TAF8: variants seen among roughly 807,000 people sequenced by gnomAD.
TAF8 encodes transcription initiation factor TFIID subunit 8.
In TAF8, 47 loss-of-function variants were observed where a neutral mutation model predicts 36.5. The ratio of observed to expected loss-of-function variants is 1.29; its 90% CI spans 1.02 to 1.64. The LOEUF (loss-of-function observed/expected upper bound fraction) is 1.64, where lower values mean the gene tolerates loss of function less well. Ranked by LOEUF, TAF8 falls within the 40% of genes most tolerant of loss-of-function variation. TAF8 has a pLI of 0.00. For synonymous variants in TAF8, 175 were observed against 159.5 expected (o/e 1.10, Z -0.73); for missense variants, 420 against 407.6 (o/e 1.03, Z -0.26).
At chr6:42,065,074 G>A (rs1187426579) in intron 5 of TAF8, among the ~76,000 whole-genome samples, 2 of 151,162 alleles carry the variant, frequency 1.3e-5, no homozygotes, top group African/African-American at 2.4e-5. Flanking sequence ...GGCTGGGCGC[G>A]GTGACTCACA....
rs907323478 is a variant in TAF8, at chr6:42,079,318, G to A, written c.*1773G>A. The A allele has an allele frequency of 3.2e-5, 32 of 985,346 alleles. No individual in the cohort carries two copies. The African/African-American group carries it at 5.6e-4, about 17-fold the overall frequency. The allele number at this position is 985,346 out of a possible 1,614,324, so 61.0% of individuals were successfully genotyped here. A position where few individuals can be genotyped will look rare whatever the true frequency, so the allele number is the denominator to read the frequency against. On this transcript the variant is annotated 3_prime_UTR_variant, in exon 9 of 9. Transcript: ENST00000372977. ...AGGTCTGAGTCTGTCCAACCAATTTGTATCCTGTGGGGAGAACAACTTCAT... is the reference window on the plus strand; with the variant it reads ...AGGTCTGAGTCTGTCCAACCAATTTATATCCTGTGGGGAGAACAACTTCAT...
In TAF8 at chr6:42,078,549, G is replaced by C; in HGVS notation, c.*1004G>C. 1.0e-6 allele frequency: 1 copy of C among 985,548 alleles called. No individual in the cohort carries two copies. The highest frequency in any genetic ancestry group is 1.2e-6 in the Non-Finnish European group (1 of 829,958). The allele number at this position is 985,548 out of a possible 1,614,324, so 61.1% of individuals were successfully genotyped here. ...GCCACACAGCACAGCTTTGTTTGGG[G>C]TGGGCAGGAGTCAGGAGTCTTGAGC... On this transcript the variant is annotated 3_prime_UTR_variant, in exon 9 of 9. Coordinates refer to ENST00000372977, the MANE Select transcript of TAF8 (RefSeq NM_138572.3).
rs368693590 is a variant in TAF8 at position 42,067,279 on chromosome 6, C to T, written c.637+820C>T. The stretch of plus-strand genomic sequence containing the variant: ...TGTCATCCAGCCTGGAATACAGTGG[C>T]GCAATCTCTGCTCACTGCAACCTCC... On this transcript the variant is annotated intron_variant, in intron 6 of 8. Coordinates refer to ENST00000372977, the MANE Select transcript of TAF8 (RefSeq NM_138572.3). Among the ~76,000 whole-genome samples the T allele has an allele frequency of 7.2e-5, 11 of 152,332 alleles. No individual in the cohort carries two copies. The East Asian group carries it at 1.7e-3, about 24-fold the overall frequency.
intron 2 of TAF8, among the ~76,000 whole-genome samples, chr6:42,054,357 C>T (rs1290914411): frequency 2.0e-5 from 3 of 152,114 alleles, no homozygotes; most frequent in Admixed American, 6.5e-5. Context: ...TCATTTTAAC[C>T]ATTTTTAAGT....
At chr6:42,086,763 C>T (rs191976639), downstream of TAF8, 54 of 1,550,694 alleles carry the variant, frequency 3.5e-5, 3 homozygotes, top group South Asian at 3.1e-4. Flanking sequence ...CCTAAGCTGC[C>T]AAGTGCTCCC....
intron 2 of TAF8, among the ~76,000 whole-genome samples, chr6:42,053,300 C>T (rs763044480): frequency 5.9e-5 from 9 of 152,082 alleles, no homozygotes; most frequent in Non-Finnish European, 1.2e-4. Flanking sequence ...TGGTGGCTCA[C>T]GCCTGTAATC....
Position 42,059,357 on chromosome 6 carries a change from T to C in TAF8, c.489+1844T>C, listed in dbSNP as rs1765113980. 1.3e-5 allele frequency among the ~76,000 whole-genome samples: 2 copies of C among 149,616 alleles called. 1 individual carries two copies. The highest frequency in any genetic ancestry group is 1.3e-4 in the Admixed American group (2 of 14,828). On this transcript the variant is annotated intron_variant, in intron 5 of 8. Coordinates refer to ENST00000372977, the MANE Select transcript of TAF8 (RefSeq NM_138572.3). ...GTGATTGCACCATTGCACTCCAGCC[T>C]GGGCGACAGAGCGAGACTTTGTCTC...
Position 42,079,904 on chromosome 6 carries a change from G to A in TAF8, c.*2359G>A, listed in dbSNP as rs80327912. 2,228 of 985,070 alleles carry A rather than the reference G, an allele frequency of 2.3e-3. 35 individuals carry two copies. In the African/African-American group the frequency reaches 0.037, roughly 16 times the overall value. 61.0% of individuals were successfully genotyped at this position (985,070 alleles called of 1,614,324 possible). On this transcript the variant is annotated 3_prime_UTR_variant, in exon 9 of 9. Transcript: ENST00000372977. ...GTGAATTTGGAAACTTGAAAAACTT[G>A]GGGACTTGACAGCAGGCTCCATGTT...
chr6:42,079,475 A>G lies in TAF8; in HGVS notation c.*1930A>G. ...GAAGAAAAATGTAACAACACGTGGAAGTGAACACTGGATGAATAAGCTTGT... is the reference window on the plus strand; with the variant it reads ...GAAGAAAAATGTAACAACACGTGGAGGTGAACACTGGATGAATAAGCTTGT... On this transcript the variant is annotated 3_prime_UTR_variant, in exon 9 of 9. Coordinates refer to ENST00000372977, the MANE Select transcript of TAF8 (RefSeq NM_138572.3). 3.0e-6 allele frequency: 3 copies of G among 985,466 alleles called. No individual in the cohort carries two copies. Among genetic ancestry groups the G allele is most frequent in the Non-Finnish European group, 3.6e-6 (3 of 829,938 alleles). 61.0% of individuals were successfully genotyped at this position (985,466 alleles called of 1,614,324 possible).
chr6:42,087,002 C>T (rs1766039675), downstream of TAF8: 3 of 574,722 alleles, frequency 5.2e-6, no homozygotes, highest in Admixed American at 6.0e-5. Context: ...CTGCCGTGCC[C>T]TCTGAAATAC....
downstream of TAF8, among the ~76,000 whole-genome samples, chr6:42,085,843 G>T (rs1052786602): frequency 4.6e-5 from 7 of 152,230 alleles, no homozygotes; most frequent in Admixed American, 3.3e-4. Flanking sequence ...AAATTAGCCG[G>T]GCATGGTGGC....
rs6918636 is a variant in TAF8, at chr6:42,082,162, G to C, written c.*4617G>C. 0.43 allele frequency: 65,458 copies of C among 151,958 alleles called. 14,597 individuals carry two copies. The highest frequency in any genetic ancestry group is 0.5 in the Admixed American group (7,555 of 15,256). The allele number at this position is 151,958 out of a possible 1,614,324, so 9.4% of individuals were successfully genotyped here. A position where few individuals can be genotyped will look rare whatever the true frequency, so the allele number is the denominator to read the frequency against. On this transcript the variant is annotated 3_prime_UTR_variant, in exon 9 of 9. Coordinates refer to ENST00000372977, the MANE Select transcript of TAF8 (RefSeq NM_138572.3). ...ATCGTGTAGATTTGTGTAACCACCA[G>C]CACACAAATGGTGAAGACACAGAAC...
At chr6:42,064,389 G>A (rs1765288185) in intron 5 of TAF8, among the ~76,000 whole-genome samples, 1 of 151,852 alleles carries the variant, frequency 6.6e-6, no homozygotes, top group East Asian at 1.9e-4. Context: ...CAAGTAGTTG[G>A]GATTACAGGT....
chr6:42,053,426 G>A (rs1286179785), intron 2 of TAF8, among the ~76,000 whole-genome samples: 2 of 151,984 alleles, frequency 1.3e-5, no homozygotes, highest in Admixed American at 1.3e-4. Flanking sequence ...TTAGCTGGAT[G>A]TGGTGGCGGG....
At chr6:42,074,726 A>G (rs889431984) in intron 7 of TAF8, among the ~76,000 whole-genome samples, 7 of 151,946 alleles carry the variant, frequency 4.6e-5, no homozygotes, top group African/African-American at 1.7e-4. Flanking sequence ...TAGTAGAGGC[A>G]GGGTTTCACC....
intron 5 of TAF8, among the ~76,000 whole-genome samples, chr6:42,065,986 C>T (rs1202799470): frequency 6.6e-5 from 10 of 152,228 alleles, no homozygotes; most frequent in African/African-American, 1.7e-4. Flanking sequence ...CTGCAACCTC[C>T]GCCTCCTGGG....
At position 42,080,547 on chromosome 6, in the gene TAF8, T is replaced by G; in HGVS notation, c.*3002T>G. On this transcript the variant is annotated 3_prime_UTR_variant, in exon 9 of 9. Transcript: ENST00000372977. ...ACCACAATTCTCGGCTAATTTTTTT[T>G]GTATTTTTGGTAGAGACGGGGTTTC... 1 of 497,678 alleles carries G rather than the reference T, an allele frequency of 2.0e-6. No homozygotes were observed. Among genetic ancestry groups the G allele is most frequent in the Non-Finnish European group, 2.6e-6 (1 of 384,540 alleles). The allele number at this position is 497,678 out of a possible 1,614,324, so 30.8% of individuals were successfully genotyped here.
intron 7 of TAF8, among the ~76,000 whole-genome samples, chr6:42,075,837 A>C (rs1222617559): frequency 6.6e-6 from 1 of 152,214 alleles, no homozygotes; most frequent in Admixed American, 6.5e-5. Context: ...CACAACTGTG[A>C]CTTTTTAAGA....
intron 5 of TAF8, among the ~76,000 whole-genome samples, chr6:42,061,231 C>A (rs1562012926): frequency 6.6e-6 from 1 of 152,158 alleles, no homozygotes; most frequent in Non-Finnish European, 1.5e-5. Context: ...TGGCATACAA[C>A]AATTTTACAT....
Sources: allele counts gnomAD v4.1 joint callset (sites outside exome capture counted in the v4.1 genomes callset), GRCh38; gene constraint gnomAD v4.1.1; transcripts MANE v1.5; gene names NCBI Gene and HGNC (gene_info 2026-07-23, HGNC 2026-07-21).